The following MTAP variants were observed in gnomAD, a reference collection of about 807,000 sequenced individuals.
MTAP encodes the protein methylthioadenosine phosphorylase.
Under a neutral mutation model 33.6 loss-of-function variants are expected in MTAP, and 33 were observed. The ratio of observed to expected loss-of-function variants is 0.98; its 90% CI spans 0.74 to 1.31. MTAP has a LOEUF of 1.31. MTAP is among the 40% of genes most tolerant of loss of function. The pLI is 0.00. For missense variants in MTAP, 367 were observed against 360.0 expected (o/e 1.02, Z -0.16); for synonymous variants, 148 against 125.7 (o/e 1.18, Z -1.19).
intron 1 of MTAP, among the ~76,000 whole-genome samples, chr9:21,927,524 C>T (rs1587303444): frequency 1.3e-5 from 2 of 152,208 alleles, no homozygotes; most frequent in Non-Finnish European, 2.9e-5. Flanking sequence ...GATAACTGAA[C>T]ACATTCATGT....
At chr9:21,886,691 G>T (rs1365377674) in intron 1 of MTAP, among the ~76,000 whole-genome samples, 1 of 152,128 alleles carries the variant, frequency 6.6e-6, no homozygotes, top group Non-Finnish European at 1.5e-5. Context: ...GTTGAATAGG[G>T]TGTCCTTTCC....
In MTAP at chr9:21,883,872, G is replaced by T. The variant is rs939300303; in HGVS notation, c.147+29002G>T. ...ATACCCATACACACTAGCCCGCACA[G>T]GAAGTGGCAGCTCTGTGTTGTGAGC... is the stretch of plus-strand genomic sequence containing the variant. On this transcript the variant is annotated intron_variant, in intron 1 of 1. Transcript: ENST00000577563. 2.6e-5 allele frequency among the ~76,000 whole-genome samples: 4 copies of T among 152,036 alleles called. No homozygotes were observed. The South Asian group carries it at 8.3e-4, about 32-fold the overall frequency.
At chr9:21,871,147 C>T (rs1825930854), downstream of MTAP, among the ~76,000 whole-genome samples, 1 of 152,172 alleles carries the variant, frequency 6.6e-6, no homozygotes, top group Non-Finnish European at 1.5e-5. Flanking sequence ...AATAGACTCA[C>T]ATACCTAAGT....
At chr9:21,870,795 T>C (rs1825924213), downstream of MTAP, among the ~76,000 whole-genome samples, 1 of 148,854 alleles carries the variant, frequency 6.7e-6, no homozygotes, top group South Asian at 2.1e-4. Context: ...TTTTTTTTTT[T>C]GAGATGGATT....
downstream of MTAP, among the ~76,000 whole-genome samples, chr9:21,939,033 G>A (rs905484292): frequency 6.6e-6 from 1 of 152,184 alleles, no homozygotes; most frequent in African/African-American, 2.4e-5. Flanking sequence ...AGGGACCCAG[G>A]GAGAGGTTAT....
At chr9:21,905,156 C>T (rs1479248519) in intron 1 of MTAP, among the ~76,000 whole-genome samples, 2 of 152,292 alleles carry the variant, frequency 1.3e-5, no homozygotes, top group Middle Eastern at 3.4e-3. Flanking sequence ...TTTCTGTATC[C>T]TGGGTTCCTT....
chr9:21,900,870 C>T (rs1818380403), intron 1 of MTAP, among the ~76,000 whole-genome samples: 1 of 152,180 alleles, frequency 6.6e-6, no homozygotes, highest in South Asian at 2.1e-4. Context: ...TTTGCAGCAG[C>T]ATGGATGTAG....
intron 4 of MTAP, among the ~76,000 whole-genome samples, chr9:21,827,628 C>T (rs1182135921): frequency 6.6e-6 from 1 of 152,188 alleles, no homozygotes; most frequent in Non-Finnish European, 1.5e-5. Context: ...ACCTGTTTCC[C>T]TCTAAGCCAT....
In MTAP at chr9:21,818,255, C is replaced by G. The variant is rs543443262; in HGVS notation, c.347+53C>G. 43 of 1,458,338 alleles carry G rather than the reference C, an allele frequency of 2.9e-5. No individual in the cohort carries two copies. The Admixed American group carries it at 6.4e-4, about 22-fold the overall frequency. 90.3% of individuals were successfully genotyped at this position (1,458,338 alleles called of 1,614,324 possible). ...CTATTGTAGCTGGTCATTTTCAGCT[C>G]AAATGGACGACGCGTGGGAACCGGC... On this transcript the variant is annotated intron_variant, in intron 4 of 7. Transcript: ENST00000644715.
At chr9:21,897,055 G>A (rs1818307328) in intron 1 of MTAP, among the ~76,000 whole-genome samples, 2 of 152,136 alleles carry the variant, frequency 1.3e-5, no homozygotes, top group Admixed American at 1.3e-4. Flanking sequence ...CTTCATCCCT[G>A]GGATGCAAGG....
chr9:21,853,421 C>T (rs1825563212), intron 5 of MTAP, among the ~76,000 whole-genome samples: 1 of 152,192 alleles, frequency 6.6e-6, no homozygotes, highest in Non-Finnish European at 1.5e-5. Flanking sequence ...GTAGCATCAA[C>T]TGTTCATTGT....
intron 1 of MTAP, 102 bp from the exon 2 acceptor site, chr9:21,815,331 C>T: frequency 1.4e-6 from 1 of 703,748 alleles, no homozygotes; most frequent in Non-Finnish European, 2.3e-6. Context: ...TAGGGCTTGG[C>T]AGGAATGGAG....
chr9:21,918,401 G>A (rs982379837), intron 1 of MTAP, among the ~76,000 whole-genome samples: 3 of 148,816 alleles, frequency 2.0e-5, no homozygotes, highest in Non-Finnish European at 4.4e-5. Context: ...TTGGGGGCTC[G>A]ATGGGGGAGG....
At chr9:21,856,168 C>T in intron 6 of MTAP, 1 of 985,402 alleles carries the variant, frequency 1.0e-6, no homozygotes, top group Non-Finnish European at 1.2e-6. Context: ...GACAAAACTG[C>T]AGTCACTTTT....
chr9:21,887,870 TTG>T (rs569009435), intron 1 of MTAP, among the ~76,000 whole-genome samples: 135 of 152,328 alleles, frequency 8.9e-4, no homozygotes, highest in African/African-American at 3.1e-3. Flanking sequence ...ATCCTAAGTT[TTG>T]TGTGGGGGGG....
At chr9:21,901,821 A>C (rs1818397646) in intron 1 of MTAP, among the ~76,000 whole-genome samples, 1 of 152,194 alleles carries the variant, frequency 6.6e-6, no homozygotes, top group South Asian at 2.1e-4. Context: ...ATAAATTTAA[A>C]ACAGTGAAGA....
chr9:21,885,636 C>G (rs10965174), intron 1 of MTAP, among the ~76,000 whole-genome samples: 1 of 151,930 alleles, frequency 6.6e-6, no homozygotes. Context: ...TTTGCATCCT[C>G]GTGGCTTAGC....
intron 4 of MTAP, among the ~76,000 whole-genome samples, chr9:21,818,718 T>A (rs1244843374): frequency 6.6e-6 from 1 of 152,250 alleles, no homozygotes; most frequent in African/African-American, 2.4e-5. Context: ...TTTTGATATA[T>A]GTATGCATTG....
chr9:21,885,652 G>A (rs1306791638), intron 1 of MTAP, among the ~76,000 whole-genome samples: 1 of 152,056 alleles, frequency 6.6e-6, no homozygotes, highest in Non-Finnish European at 1.5e-5. Context: ...TTAGCTCTAA[G>A]TGAGAGCATA....
Sources: allele counts gnomAD v4.1 joint callset (sites outside exome capture counted in the v4.1 genomes callset), GRCh38; gene constraint gnomAD v4.1.1; transcripts MANE v1.5; gene names NCBI Gene and HGNC (gene_info 2026-07-23, HGNC 2026-07-21).